The following NDUFAF2 variants were observed in gnomAD, a reference collection of about 807,000 sequenced individuals.
NDUFAF2 encodes the protein NADH:ubiquinone oxidoreductase complex assembly factor 2.
Under a neutral mutation model 22.8 loss-of-function variants are expected in NDUFAF2, and 13 were observed. That is an observed-to-expected ratio of 0.57 (90% CI 0.37 to 0.91). NDUFAF2 has a LOEUF of 0.91. Ranked by LOEUF, NDUFAF2 falls within the 40% of genes least tolerant of loss-of-function variation. The probability of loss-of-function intolerance (pLI) is 0.01; values close to 1 mark genes in which losing one functional copy is unlikely to be tolerated. For missense variants in NDUFAF2, 162 were observed against 195.2 expected, an observed-to-expected ratio of 0.83 and a Z score of 1.01; for synonymous variants, 53 against 64.2, an observed-to-expected ratio of 0.83 and a Z score of 0.84.
At chr5:60,950,631 T>G (rs1208179557) in intron 1 of NDUFAF2, among the ~76,000 whole-genome samples, 1 of 151,782 alleles carries the variant, frequency 6.6e-6, no homozygotes, top group Non-Finnish European at 1.5e-5. Context: ...GTCACATGCT[T>G]GCTTGCTGGG....
chr5:61,131,593 A>G (rs957812667), intron 3 of NDUFAF2, among the ~76,000 whole-genome samples: 4 of 152,192 alleles, frequency 2.6e-5, no homozygotes, highest in Admixed American at 1.3e-4. Context: ...ACATTCATCT[A>G]TAGGGGATTG....
chr5:61,152,615 AT>A (rs1418516445), intron 3 of NDUFAF2, 88 bp from the exon 4 acceptor site: 1 of 891,394 alleles, frequency 1.1e-6, no homozygotes, highest in Non-Finnish European at 1.7e-6. Context: ...TTATATGTAT[AT>A]AATGTATTTT....
At chr5:61,140,403 A>G (rs1490636781) in intron 3 of NDUFAF2, among the ~76,000 whole-genome samples, 6 of 152,104 alleles carry the variant, frequency 3.9e-5, no homozygotes, top group Non-Finnish European at 8.8e-5. Flanking sequence ...CACCTCTCCA[A>G]TCTAATTTCT....
intron 1 of NDUFAF2, among the ~76,000 whole-genome samples, chr5:61,028,671 T>C (rs1751686935): frequency 1.3e-5 from 2 of 152,120 alleles, no homozygotes; most frequent in Admixed American, 6.6e-5. Context: ...TGTACAAATA[T>C]CCTTTTCAAC....
chr5:61,010,590 C>T (rs541621197), intron 1 of NDUFAF2, among the ~76,000 whole-genome samples: 2 of 152,054 alleles, frequency 1.3e-5, no homozygotes, highest in South Asian at 2.1e-4. Context: ...TATATGTTCT[C>T]ATAGTTCTTT....
intron 3 of NDUFAF2, among the ~76,000 whole-genome samples, chr5:61,119,216 G>A (rs1264274100): frequency 6.6e-6 from 1 of 152,240 alleles, no homozygotes; most frequent in East Asian, 1.9e-4. Flanking sequence ...CCTTTTAAAA[G>A]CCTTAAGGCT....
intron 2 of NDUFAF2, among the ~76,000 whole-genome samples, chr5:61,079,600 GA>G (rs1752414955): frequency 6.6e-6 from 1 of 152,194 alleles, no homozygotes; most frequent in African/African-American, 2.4e-5. Flanking sequence ...CACTTGAATA[GA>G]AAAGATTAGA....
intron 1 of NDUFAF2, among the ~76,000 whole-genome samples, chr5:60,951,578 C>T (rs998275228): frequency 6.6e-6 from 1 of 152,046 alleles, no homozygotes; most frequent in African/African-American, 2.4e-5. Flanking sequence ...ATGCATTATC[C>T]TTTTTATATA....
intron 2 of NDUFAF2, among the ~76,000 whole-genome samples, chr5:61,083,851 G>C (rs1752474676): frequency 6.6e-6 from 1 of 151,662 alleles, no homozygotes; most frequent in Non-Finnish European, 1.5e-5. Context: ...AAGTGATATT[G>C]TTAAACTCAC....
intron 1 of NDUFAF2, among the ~76,000 whole-genome samples, chr5:61,062,255 T>G (rs1335077863): frequency 6.6e-6 from 1 of 152,016 alleles, no homozygotes; most frequent in Non-Finnish European, 1.5e-5. Context: ...TTCAAAATAA[T>G]GAACCTGAGG....
At chr5:61,021,202 A>G (rs1390302680) in intron 1 of NDUFAF2, among the ~76,000 whole-genome samples, 2 of 152,152 alleles carry the variant, frequency 1.3e-5, no homozygotes, top group Non-Finnish European at 2.9e-5. Flanking sequence ...GATAGCCAAA[A>G]TTAGTCTCTC....
At chr5:61,033,068 T>C (rs1476736096) in intron 1 of NDUFAF2, among the ~76,000 whole-genome samples, 1 of 152,218 alleles carries the variant, frequency 6.6e-6, no homozygotes, top group Non-Finnish European at 1.5e-5. Context: ...TTGTGTCCTC[T>C]CTTATTTACT....
At chr5:61,008,736 A>G (rs952591581) in intron 1 of NDUFAF2, among the ~76,000 whole-genome samples, 1 of 152,062 alleles carries the variant, frequency 6.6e-6, no homozygotes, top group Non-Finnish European at 1.5e-5. Flanking sequence ...CAGAACCCGA[A>G]TGTAAACATA....
At chr5:61,016,317 G>A (rs1033780579) in intron 1 of NDUFAF2, among the ~76,000 whole-genome samples, 5 of 152,126 alleles carry the variant, frequency 3.3e-5, no homozygotes, top group African/African-American at 1.2e-4. Context: ...GAAGGGAGTG[G>A]TATGTTATAT....
At chr5:61,089,556 A>G (rs1208761108) in intron 2 of NDUFAF2, among the ~76,000 whole-genome samples, 1 of 152,146 alleles carries the variant, frequency 6.6e-6, no homozygotes, top group African/African-American at 2.4e-5. Flanking sequence ...TACAGGATGC[A>G]TAACAAATAG....
chr5:61,070,407 T>C (rs1422984355), intron 1 of NDUFAF2, among the ~76,000 whole-genome samples: 1 of 152,092 alleles, frequency 6.6e-6, no homozygotes, highest in Non-Finnish European at 1.5e-5. Flanking sequence ...AGTTTTACAG[T>C]GATTTATTGA....
intron 1 of NDUFAF2, among the ~76,000 whole-genome samples, chr5:61,050,868 T>C (rs2111698527): frequency 6.6e-6 from 1 of 152,292 alleles, no homozygotes; most frequent in East Asian, 1.9e-4. Flanking sequence ...ATAATTAGCA[T>C]GTGATCCAAA....
intron 1 of NDUFAF2, among the ~76,000 whole-genome samples, chr5:60,982,556 C>T (rs1313596011): frequency 4.5e-5 from 5 of 111,846 alleles, no homozygotes; most frequent in Non-Finnish European, 8.8e-5. Flanking sequence ...CCCCTCCCCC[C>T]ACCCCACATC....
chr5:61,117,619 G>A (rs563518401), intron 3 of NDUFAF2, among the ~76,000 whole-genome samples: 1 of 152,140 alleles, frequency 6.6e-6, no homozygotes, highest in South Asian at 2.1e-4. Context: ...GCCTCCCATA[G>A]TGCTGGGATT....
Sources: gnomAD v4.1 joint callset for allele counts (sites outside exome capture counted in the v4.1 genomes callset) on GRCh38, gnomAD v4.1.1 for gene constraint, MANE v1.5 for transcripts, NCBI Gene and HGNC (gene_info 2026-07-23, HGNC 2026-07-21) for gene names.